ZP3: variants seen among roughly 807,000 people sequenced by gnomAD.
ZP3 encodes zona pellucida sperm-binding protein 3.
ZP3 carries 21 observed loss-of-function variants against 35.6 expected under a neutral mutation model. The ratio of observed to expected loss-of-function variants is 0.59; its 90% CI spans 0.42 to 0.85. ZP3 has a LOEUF of 0.85. ZP3 is among the 40% of genes least tolerant of loss of function. The pLI, the probability that ZP3 is intolerant of heterozygous loss-of-function variation, is 0.00. For missense variants in ZP3, 437 were observed against 536.5 expected (o/e 0.81, Z 1.83); for synonymous variants, 207 against 214.5 (o/e 0.96, Z 0.31).
intron 1 of ZP3, among the ~76,000 whole-genome samples, chr7:76,410,237 G>T (rs2115833797): frequency 6.6e-6 from 1 of 152,162 alleles, no homozygotes; most frequent in Middle Eastern, 3.4e-3. Context: ...CTCCATGTTG[G>T]CCAGGATGGC....
At chr7:76,421,009 C>T (rs1156546771), upstream of ZP3, among the ~76,000 whole-genome samples, 1 of 151,600 alleles carries the variant, frequency 6.6e-6, no homozygotes, top group Non-Finnish European at 1.5e-5. Context: ...AATCTCAGCT[C>T]ACTGCAACCT....
chr7:76,433,862 C>A (rs1805912371), intron 4 of ZP3, 176 bp from the exon 5 acceptor site: 2 of 1,135,428 alleles, frequency 1.8e-6, no homozygotes, highest in Admixed American at 2.4e-5. Context: ...CCATGCCTGG[C>A]TAATTTTTGT....
chr7:76,441,785 A>T, intron 7 of ZP3, 57 bp from the exon 8 acceptor site: 2 of 1,612,094 alleles, frequency 1.2e-6, no homozygotes, highest in Non-Finnish European at 1.7e-6. Context: ...AAAACCTCCA[A>T]CCCAGTTCCC....
chr7:76,411,346 C>T (rs1352027739), intron 1 of ZP3, among the ~76,000 whole-genome samples: 3 of 152,022 alleles, frequency 2.0e-5, no homozygotes, highest in African/African-American at 4.8e-5. Context: ...GCAGGAGGAT[C>T]GCTTGAGACC....
At chr7:76,413,937 G>A (rs1488184133) in intron 1 of ZP3, among the ~76,000 whole-genome samples, 2 of 151,448 alleles carry the variant, frequency 1.3e-5, no homozygotes, top group African/African-American at 4.9e-5. Context: ...AAAGTGCTGG[G>A]ATTATAGGCA....
intron 1 of ZP3, chr7:76,404,312 G>A: frequency 6.2e-7 from 1 of 1,600,846 alleles, no homozygotes. Flanking sequence ...CTCACCCAGT[G>A]GCAGGAGGAG....
intron 1 of ZP3, among the ~76,000 whole-genome samples, chr7:76,412,239 T>A (rs911020679): frequency 2.0e-5 from 3 of 151,740 alleles, no homozygotes; most frequent in Non-Finnish European, 4.4e-5. Flanking sequence ...ACTGTTGATG[T>A]ATGCAACAAT....
At chr7:76,414,660 C>G (rs948287532) in intron 1 of ZP3, among the ~76,000 whole-genome samples, 14 of 143,166 alleles carry the variant, frequency 9.8e-5, no homozygotes, top group Non-Finnish European at 1.8e-4. Context: ...GCTTCTACCC[C>G]TTCCCTTTCC....
chr7:76,423,083 GA>G (rs112820061), upstream of ZP3, among the ~76,000 whole-genome samples: 238 of 133,358 alleles, frequency 1.8e-3, 2 homozygotes, highest in South Asian at 0.011. Context: ...AAGAAAGAAA[GA>G]AAAGAAATTG....
At chr7:76,437,485 T>C (rs1215516896) in intron 5 of ZP3, among the ~76,000 whole-genome samples, 1 of 147,126 alleles carries the variant, frequency 6.8e-6, no homozygotes, top group Admixed American at 6.9e-5. Flanking sequence ...TTTTTTTTTT[T>C]TTGTTTTTTT....
chr7:76,411,895 A>C (rs1805254981), intron 1 of ZP3, among the ~76,000 whole-genome samples: 1 of 152,208 alleles, frequency 6.6e-6, no homozygotes, highest in Non-Finnish European at 1.5e-5. Flanking sequence ...AACAGGAAGC[A>C]TTCAAAATTT....
intron 4 of ZP3, 53 bp downstream of exon 4, chr7:76,433,700 G>C: frequency 1.3e-6 from 2 of 1,539,430 alleles, no homozygotes; most frequent in Non-Finnish European, 1.8e-6. Context: ...TGACCCTAAA[G>C]CCACCTGTTT....
At chr7:76,400,332 G>C in intron 1 of ZP3, 1 of 1,501,988 alleles carries the variant, frequency 6.7e-7, no homozygotes, top group Non-Finnish European at 8.9e-7. Flanking sequence ...AATTGTGGAC[G>C]CCCCAGCCGC....
chr7:76,434,706 G>A (rs1226300050), intron 5 of ZP3, among the ~76,000 whole-genome samples: 2 of 148,156 alleles, frequency 1.3e-5, no homozygotes, highest in Non-Finnish European at 3.0e-5. Context: ...AAACCAGTGT[G>A]AACTTCGTAG....
chr7:76,405,340 T>TTTCTTTCTTTCTTTCTTTC (rs3081031), intron 1 of ZP3, among the ~76,000 whole-genome samples: 5 of 48,950 alleles, frequency 1.0e-4, no homozygotes, highest in African/African-American at 1.9e-4. Flanking sequence ...TCTTTCTTTC[T>TTTCTTTCTTTCTTTCTTTC]TTTTTTTTTT....
At chr7:76,436,037 T>TG (rs1805994229) in intron 5 of ZP3, among the ~76,000 whole-genome samples, 1 of 15,480 alleles carries the variant, frequency 6.5e-5, no homozygotes, top group Non-Finnish European at 1.1e-4. Flanking sequence ...CCCCTTTTTT[T>TG]TTTTTTTTTT....
At chr7:76,432,482 C>A (rs1048161275) in intron 2 of ZP3, among the ~76,000 whole-genome samples, 2 of 152,056 alleles carry the variant, frequency 1.3e-5, no homozygotes, top group Non-Finnish European at 2.9e-5. Flanking sequence ...CCGTGCCTGG[C>A]CTCTTTTCTT....
intron 1 of ZP3, among the ~76,000 whole-genome samples, chr7:76,406,417 G>A (rs933554443): frequency 6.6e-5 from 10 of 152,014 alleles, no homozygotes; most frequent in Non-Finnish European, 1.3e-4. Context: ...CTGGTTTTCC[G>A]TTTATCAGAA....
At chr7:76,416,680 T>C (rs1465341346) in intron 1 of ZP3, among the ~76,000 whole-genome samples, 5 of 151,470 alleles carry the variant, frequency 3.3e-5, no homozygotes, top group African/African-American at 1.2e-4. Context: ...GCACCTGTAG[T>C]CCCAACTACT....
Sources: gnomAD v4.1 joint callset for allele counts (sites outside exome capture counted in the v4.1 genomes callset) on GRCh38, gnomAD v4.1.1 for gene constraint, MANE v1.5 for transcripts, NCBI Gene and HGNC (gene_info 2026-07-23, HGNC 2026-07-21) for gene names.